Variants in GRIA3 observed in about 807,000 individuals in gnomAD.
GRIA3 encodes the protein glutamate receptor 3.
In GRIA3, 3 loss-of-function variants were observed where a neutral mutation model predicts 63.0. The ratio of observed to expected loss-of-function variants is 0.05; its 90% CI spans 0.02 to 0.12. The LOEUF is 0.12. Among genes scored for constraint, GRIA3 ranks in the 10% least tolerant of loss-of-function variants. GRIA3 has a pLI of 1.00. For synonymous variants in GRIA3, 274 were observed against 257.9 expected (o/e 1.06, Z -0.60); for missense variants, 347 against 700.9 (o/e 0.50, Z 5.70).
intron 5 of GRIA3, among the ~76,000 whole-genome samples, chrX:123,363,361 C>A (rs2147355866): frequency 8.9e-6 from 1 of 112,340 alleles, no homozygotes; most frequent in East Asian, 2.8e-4. Context: ...AAGGAAAACT[C>A]CACATCATAC....
At chrX:123,195,935 T>C (rs1170021738) in intron 2 of GRIA3, among the ~76,000 whole-genome samples, 1 of 111,876 alleles carries the variant, frequency 8.9e-6, no homozygotes, top group Non-Finnish European at 1.9e-5. Context: ...TAGCTTTTCA[T>C]GACTGAGTGC....
In GRIA3 at chrX:123,356,589, A is replaced by G. The variant is rs1285335426; in HGVS notation, c.750+1626A>G. On this transcript the variant is annotated intron_variant, in intron 5 of 15. Coordinates refer to ENST00000620443, the MANE Select transcript of GRIA3 (RefSeq NM_007325.5). ...TACTATTACTTCAAACAGGGCTAAA[A>G]TAGAGATATAACAAAAGTAAAATAT... Among the ~76,000 whole-genome samples, 4 of 112,505 alleles carry G rather than the reference A, an allele frequency of 3.6e-5. No homozygotes were observed. The Admixed American group carries it at 3.8e-4, about 11-fold the overall frequency.
intron 5 of GRIA3, among the ~76,000 whole-genome samples, chrX:123,355,544 A>G (rs1028380668): frequency 4.5e-5 from 5 of 112,285 alleles, no homozygotes; most frequent in African/African-American, 9.7e-5. Context: ...TATTTTATAC[A>G]TTTTCTTTCT....
chrX:123,450,857 T>C (rs2045726320), intron 12 of GRIA3, among the ~76,000 whole-genome samples: 1 of 112,092 alleles, frequency 8.9e-6, no homozygotes, highest in Admixed American at 9.4e-5. Flanking sequence ...TCAGACACCC[T>C]GAATGAAAGG....
chrX:123,260,455 AGAAAGGAAGGAAGAAGAAAG>A lies in GRIA3; in HGVS notation c.508+6919_508+6938del, dbSNP rs1569409628. On this transcript the variant is annotated intron_variant, in intron 3 of 15. Coordinates refer to ENST00000620443, the MANE Select transcript of GRIA3 (RefSeq NM_007325.5). Reference sequence around the variant, plus strand: ...AAGAAAGAAAGAAAGAAAGAAAGAAAGAAAGGAAGGAAGAAGAAAGGAAAGAAAGAAAGAAAGAAAGAAAG... The same window carrying A: ...AAGAAAGAAAGAAAGAAAGAAAGAAAGAAAGAAAGAAAGAAAGAAAGAAAG... Among the ~76,000 whole-genome samples, 71 of 10,971 alleles carry A rather than the reference AGAAAGGAAGGAAGAAGAAAG, an allele frequency of 6.5e-3. 9 individuals carry two copies. The highest frequency in any genetic ancestry group is 9.7e-3 in the Non-Finnish European group (40 of 4,132). 9.5% of individuals were successfully genotyped at this position (10,971 alleles called of 115,157 possible). A position where few individuals can be genotyped will look rare whatever the true frequency, so the allele number is the denominator to read the frequency against.
intron 10 of GRIA3, among the ~76,000 whole-genome samples, chrX:123,409,392 T>C (rs1162425667): frequency 1.8e-5 from 2 of 112,273 alleles, no homozygotes; most frequent in Non-Finnish European, 3.8e-5. Context: ...TCAGATGATT[T>C]ATAAATAGGT....
intron 3 of GRIA3, among the ~76,000 whole-genome samples, chrX:123,274,878 C>T (rs1301358275): frequency 9.0e-6 from 1 of 111,684 alleles, no homozygotes; most frequent in Non-Finnish European, 1.9e-5. Context: ...TAAAATTTTT[C>T]CCAGTGTCAA....
intron 2 of GRIA3, among the ~76,000 whole-genome samples, chrX:123,222,540 A>G (rs1023670717): frequency 9.8e-5 from 11 of 112,091 alleles, no homozygotes; most frequent in African/African-American, 3.6e-4. Context: ...CAGCTTCACC[A>G]TTTTTAAAAT....
chrX:123,416,940 G>T (rs1263933075), intron 10 of GRIA3, among the ~76,000 whole-genome samples: 1 of 112,507 alleles, frequency 8.9e-6, no homozygotes, highest in African/African-American at 3.2e-5. Context: ...CTGTGGCCCT[G>T]TGTGGCACCT....
At chrX:123,273,423 AT>A (rs1302068435) in intron 3 of GRIA3, among the ~76,000 whole-genome samples, 2 of 111,948 alleles carry the variant, frequency 1.8e-5, no homozygotes, top group Non-Finnish European at 3.8e-5. Flanking sequence ...GGCAAAAATC[AT>A]TTTCCCAGCC....
intron 2 of GRIA3, among the ~76,000 whole-genome samples, chrX:123,237,991 C>G (rs989501223): frequency 9.0e-6 from 1 of 111,599 alleles, no homozygotes; most frequent in African/African-American, 3.3e-5. Context: ...TGTTCTGCAC[C>G]AGTGGTTTCT....
intron 11 of GRIA3, among the ~76,000 whole-genome samples, chrX:123,420,319 A>G (rs1004395613): frequency 2.7e-5 from 3 of 111,956 alleles, no homozygotes; most frequent in African/African-American, 9.7e-5. Context: ...GCTTTTTAAA[A>G]TAGTCTGTAT....
At chrX:123,248,610 A>C (rs962699139) in intron 2 of GRIA3, among the ~76,000 whole-genome samples, 3 of 110,008 alleles carry the variant, frequency 2.7e-5, no homozygotes, top group Non-Finnish European at 5.7e-5. Flanking sequence ...ACATGGAGAA[A>C]CCTCGTCTCT....
chrX:123,383,953 T>C (rs981151119), intron 5 of GRIA3, among the ~76,000 whole-genome samples: 1 of 111,707 alleles, frequency 9.0e-6, no homozygotes, highest in Admixed American at 9.5e-5. Context: ...AGTGAAAACA[T>C]GCAGTATTTG....
chrX:123,254,201 A>C (rs1365356329), intron 3 of GRIA3, among the ~76,000 whole-genome samples: 1 of 111,821 alleles, frequency 8.9e-6, no homozygotes, highest in Admixed American at 9.5e-5. Flanking sequence ...GTCTACGGCC[A>C]TACCACTCTA....
intron 12 of GRIA3, among the ~76,000 whole-genome samples, chrX:123,440,807 TCAA>T (rs2147410767): frequency 8.9e-6 from 1 of 112,692 alleles, no homozygotes. Flanking sequence ...ATCTCATTTG[TCAA>T]TTTTTGCTTT....
At chrX:123,302,689 G>A (rs767171095) in intron 3 of GRIA3, among the ~76,000 whole-genome samples, 15 of 111,234 alleles carry the variant, frequency 1.3e-4, no homozygotes, top group Non-Finnish European at 2.5e-4. Context: ...TTACTCTATC[G>A]TCTACACAGA....
intron 3 of GRIA3, among the ~76,000 whole-genome samples, chrX:123,268,074 A>G (rs183135272): frequency 8.9e-6 from 1 of 111,884 alleles, no homozygotes; most frequent in East Asian, 2.8e-4. Flanking sequence ...TGAGACTATA[A>G]TGTCTGACGG....
intron 13 of GRIA3, chrX:123,465,819 C>G (rs2045830735): frequency 1.0e-6 from 1 of 987,411 alleles, no homozygotes; most frequent in Non-Finnish European, 1.4e-6. Context: ...AACCGGGTAC[C>G]CTTAGTGACG....
Sources: gnomAD v4.1 joint callset for allele counts (sites outside exome capture counted in the v4.1 genomes callset) on GRCh38, gnomAD v4.1.1 for gene constraint, MANE v1.5 for transcripts, NCBI Gene and HGNC (gene_info 2026-07-23, HGNC 2026-07-21) for gene names.